CNTLN: variants seen among roughly 807,000 people sequenced by gnomAD.
The protein encoded by CNTLN is centlein, also known as centlein, centrosomal protein.
A neutral mutation model predicts 180.0 loss-of-function variants in CNTLN; 212 were observed. That is an observed-to-expected ratio of 1.18 (90% CI 1.05 to 1.32). CNTLN has a LOEUF of 1.32. Ranked by LOEUF, CNTLN falls within the 40% of genes most tolerant of loss-of-function variation. CNTLN has a pLI of 0.00. For synonymous variants in CNTLN, 722 were observed against 563.1 expected (o/e 1.28, Z -3.99); for missense variants, 2,095 against 1,610.9 (o/e 1.30, Z -5.14).
intron 8 of CNTLN, among the ~76,000 whole-genome samples, chr9:17,327,489 CTT>C (rs35237954): frequency 0.01 from 1,367 of 133,582 alleles, 19 homozygotes; most frequent in African/African-American, 0.03. Context: ...CAGCTGTTTC[CTT>C]TTTTTTTTTT....
At chr9:17,453,521 C>T (rs1186900906) in intron 18 of CNTLN, among the ~76,000 whole-genome samples, 5 of 151,898 alleles carry the variant, frequency 3.3e-5, no homozygotes, top group African/African-American at 1.2e-4. Context: ...AAATCAGGAC[C>T]CATATTAATT....
chr9:17,504,164 C>G (rs1833887052), downstream of CNTLN, among the ~76,000 whole-genome samples: 1 of 152,034 alleles, frequency 6.6e-6, no homozygotes, highest in African/African-American at 2.4e-5. Flanking sequence ...AAATGACCAT[C>G]AAATGTCACA....
intron 18 of CNTLN, among the ~76,000 whole-genome samples, chr9:17,440,550 C>G (rs1830048133): frequency 6.8e-6 from 1 of 147,328 alleles, no homozygotes; most frequent in African/African-American, 2.5e-5. Flanking sequence ...GATCACACCA[C>G]TGAACTCCAG....
At position 17,363,093 on chromosome 9, in the gene CNTLN, C is replaced by T. The variant is rs545432556; in HGVS notation, c.1887-3524C>T. The stretch of plus-strand genomic sequence containing the variant: ...TCCTTTTTTATGGCTGCATAGTATT[C>T]CATGGTGTATATGTGCCACATGTTC... On this transcript the variant is annotated intron_variant, in intron 12 of 25. Coordinates refer to ENST00000380647, the MANE Select transcript of CNTLN (RefSeq NM_017738.4). Among the ~76,000 whole-genome samples, 141 of 152,290 alleles carry T rather than the reference C, an allele frequency of 9.3e-4. 1 individual carries two copies. The highest frequency in any genetic ancestry group is 1.7e-3 in the Non-Finnish European group (116 of 68,016).
chr9:17,267,941 A>T (rs975129287), intron 5 of CNTLN, among the ~76,000 whole-genome samples: 4 of 151,102 alleles, frequency 2.6e-5, no homozygotes, highest in African/African-American at 9.7e-5. Flanking sequence ...CATTCGTCTA[A>T]TTTTTTTTTC....
chr9:17,299,739 C>A (rs941728021), intron 7 of CNTLN: 3 of 982,684 alleles, frequency 3.1e-6, no homozygotes, highest in Non-Finnish European at 3.6e-6. Flanking sequence ...AAACACTGTA[C>A]TTTATTAATA....
chr9:17,259,449 A>G (rs200320954), intron 5 of CNTLN, among the ~76,000 whole-genome samples: 2,822 of 140,652 alleles, frequency 0.02, 45 homozygotes, highest in East Asian at 0.09. Context: ...TTTTTGTTGT[A>G]TCTCTGCCCG....
chr9:17,193,209 T>G (rs1270353994), intron 2 of CNTLN, among the ~76,000 whole-genome samples: 1 of 152,062 alleles, frequency 6.6e-6, no homozygotes, highest in Non-Finnish European at 1.5e-5. Context: ...CCCCGGCCCC[T>G]CCGCATGTCA....
intron 2 of CNTLN, among the ~76,000 whole-genome samples, chr9:17,207,378 T>G (rs1822997804): frequency 6.6e-6 from 1 of 152,124 alleles, no homozygotes; most frequent in Non-Finnish European, 1.5e-5. Context: ...TTTGTCTCAC[T>G]GGGGTTGCAG....
At chr9:17,161,587 T>C (rs1819681905) in intron 2 of CNTLN, among the ~76,000 whole-genome samples, 1 of 152,238 alleles carries the variant, frequency 6.6e-6, no homozygotes, top group Admixed American at 6.5e-5. Flanking sequence ...AACTCCAGTA[T>C]CTTTGCCTTA....
intron 1 of CNTLN, among the ~76,000 whole-genome samples, chr9:17,138,318 A>G (rs961869626): frequency 6.6e-6 from 1 of 152,198 alleles, no homozygotes; most frequent in Admixed American, 6.5e-5. Flanking sequence ...ATTTTTTGGT[A>G]TCAGGCAAAA....
At chr9:17,149,761 C>T (rs1358542191) in intron 2 of CNTLN, among the ~76,000 whole-genome samples, 1 of 152,058 alleles carries the variant, frequency 6.6e-6, no homozygotes, top group Non-Finnish European at 1.5e-5. Flanking sequence ...TTGTGATCTG[C>T]CCGCCTTGGC....
chr9:17,272,721 T>C (rs1828037300), intron 5 of CNTLN, among the ~76,000 whole-genome samples: 1 of 152,132 alleles, frequency 6.6e-6, no homozygotes, highest in African/African-American at 2.4e-5. Flanking sequence ...TTTTTAAGAG[T>C]ATGAGAGCCC....
chr9:17,361,133 C>T (rs1254643522), intron 12 of CNTLN, among the ~76,000 whole-genome samples: 2 of 152,034 alleles, frequency 1.3e-5, no homozygotes, highest in Non-Finnish European at 2.9e-5. Context: ...CATATGTATA[C>T]ATGTGCCATG....
rs572303881 is a variant in CNTLN at position 17,226,450 on chromosome 9, T to C, written c.534+163T>C. 2.0e-5 allele frequency among the ~76,000 whole-genome samples: 3 copies of C among 152,094 alleles called. No homozygotes were observed. The South Asian group carries it at 6.2e-4, about 32-fold the overall frequency. On this transcript the variant is annotated intron_variant, in intron 3 of 25. Coordinates refer to ENST00000380647, the MANE Select transcript of CNTLN (RefSeq NM_017738.4). ...TCACTAGTAAGATTATTCTTCATCA[T>C]TAATACTTCTCTTGTACCCTTTTGT...
chr9:17,273,920 G>A (rs1388892936), intron 6 of CNTLN, 54 bp downstream of exon 6: 2 of 1,316,592 alleles, frequency 1.5e-6, no homozygotes, highest in South Asian at 1.4e-5. Flanking sequence ...TAGTTATTCA[G>A]AATGATACCA....
intron 6 of CNTLN, among the ~76,000 whole-genome samples, chr9:17,281,587 C>G (rs1383066404): frequency 6.6e-6 from 1 of 152,098 alleles, no homozygotes; most frequent in Non-Finnish European, 1.5e-5. Flanking sequence ...GCTTCCAGCT[C>G]CATCCATGTC....
At chr9:17,353,230 A>T (rs1587742690) in intron 12 of CNTLN, among the ~76,000 whole-genome samples, 2 of 151,154 alleles carry the variant, frequency 1.3e-5, no homozygotes, top group South Asian at 4.2e-4. Flanking sequence ...TACTGGGATT[A>T]TAGGCATGAG....
chr9:17,262,290 G>C (rs1225234762), intron 5 of CNTLN, among the ~76,000 whole-genome samples: 1 of 151,516 alleles, frequency 6.6e-6, no homozygotes, highest in East Asian at 1.9e-4. Context: ...GTTTATTGCA[G>C]CACTATGTAC....
Sources: gnomAD v4.1 joint callset for allele counts (sites outside exome capture counted in the v4.1 genomes callset) on GRCh38, gnomAD v4.1.1 for gene constraint, MANE v1.5 for transcripts, NCBI Gene and HGNC (gene_info 2026-07-23, HGNC 2026-07-21) for gene names.